The following RBMS3 variants were observed in gnomAD, a reference collection of about 807,000 sequenced individuals.
RBMS3 encodes RNA-binding motif, single-stranded-interacting protein 3.
In RBMS3, 27 loss-of-function variants were observed where a neutral mutation model predicts 66.8. The observed-to-expected ratio is 0.40, with a 90% CI of 0.30 to 0.56. The LOEUF (loss-of-function observed/expected upper bound fraction) is 0.56. Ranked by LOEUF, RBMS3 falls within the 20% of genes least tolerant of loss-of-function variation. The probability of loss-of-function intolerance (pLI) is 0.40; values close to 1 mark genes in which losing one functional copy is unlikely to be tolerated. For missense variants in RBMS3, 513 were observed against 549.5 expected (o/e 0.93, Z 0.66); for synonymous variants, 188 against 183.0 (o/e 1.03, Z -0.22).
intron 13 of RBMS3, among the ~76,000 whole-genome samples, chr3:29,989,848 A>C (rs545755684): frequency 6.6e-6 from 1 of 152,352 alleles, no homozygotes; most frequent in South Asian, 2.1e-4. Flanking sequence ...AAAATTAAAA[A>C]TCTGGACATT....
At chr3:29,697,186 T>A (rs2052318785) in intron 4 of RBMS3, 1 of 771,008 alleles carries the variant, frequency 1.3e-6, no homozygotes, top group Admixed American at 6.2e-5. Context: ...GGAATCTTCC[T>A]GAACATATAT....
chr3:29,877,480 G>T (rs1242050229), intron 7 of RBMS3, among the ~76,000 whole-genome samples: 1 of 152,190 alleles, frequency 6.6e-6, no homozygotes, highest in Non-Finnish European at 1.5e-5. Context: ...AAAGAGTATA[G>T]TGAGGACCAT....
At chr3:29,423,495 A>T (rs187575645) in intron 1 of RBMS3, among the ~76,000 whole-genome samples, 236 of 152,324 alleles carry the variant, frequency 1.5e-3, no homozygotes, top group Non-Finnish European at 2.4e-3. Context: ...GGTTTCTACT[A>T]AAAGGAGATT....
At chr3:29,992,294 C>CT (rs146944998) in intron 14 of RBMS3, among the ~76,000 whole-genome samples, 2,425 of 152,088 alleles carry the variant, frequency 0.016, 65 homozygotes, top group African/African-American at 0.056. Flanking sequence ...CATTAAAAAC[C>CT]ATAGGTATTA....
At chr3:29,891,118 T>C (rs965696756) in intron 8 of RBMS3, among the ~76,000 whole-genome samples, 2 of 151,590 alleles carry the variant, frequency 1.3e-5, no homozygotes, top group African/African-American at 4.8e-5. Context: ...TTGTAGCTAG[T>C]AGGTTAAATT....
chr3:29,307,669 T>C (rs1288181108), intron 1 of RBMS3, among the ~76,000 whole-genome samples: 1 of 151,840 alleles, frequency 6.6e-6, no homozygotes, highest in East Asian at 1.9e-4. Context: ...TGCCTTTGAT[T>C]GTAGGATTTC....
chr3:29,883,070 C>G (rs2059774548), intron 7 of RBMS3, among the ~76,000 whole-genome samples: 1 of 151,956 alleles, frequency 6.6e-6, no homozygotes, highest in Admixed American at 6.6e-5. Flanking sequence ...AAAAAAAAAT[C>G]TACCCTAAAG....
At chr3:29,723,575 CCTCCT>C (rs5847588) in intron 4 of RBMS3, among the ~76,000 whole-genome samples, 32,876 of 151,730 alleles carry the variant, frequency 0.22, 4,339 homozygotes, top group African/African-American at 0.37. Flanking sequence ...GTTGCATTTT[CCTCCT>C]CTCCTCTCTT....
intron 4 of RBMS3, among the ~76,000 whole-genome samples, chr3:29,632,863 C>T (rs892435056): frequency 1.3e-5 from 2 of 151,836 alleles, no homozygotes; most frequent in African/African-American, 4.8e-5. Context: ...GCTTATTTCC[C>T]CACACCTGAT....
chr3:29,932,334 A>G (rs2061150699), intron 10 of RBMS3, among the ~76,000 whole-genome samples: 1 of 152,250 alleles, frequency 6.6e-6, no homozygotes, highest in Non-Finnish European at 1.5e-5. Context: ...GAAACAGCGT[A>G]CATAAAATAA....
chr3:29,854,448 A>G (rs1030286085), intron 6 of RBMS3, among the ~76,000 whole-genome samples: 1 of 152,228 alleles, frequency 6.6e-6, no homozygotes, highest in Admixed American at 6.5e-5. Context: ...CATGTGAGGA[A>G]CCAGGTAATT....
intron 4 of RBMS3, among the ~76,000 whole-genome samples, chr3:29,632,237 A>G (rs1198690815): frequency 5.3e-5 from 8 of 151,848 alleles, no homozygotes; most frequent in African/African-American, 1.9e-4. Flanking sequence ...CTTTCTAAAA[A>G]CCATCAATCA....
At chr3:29,548,226 G>C (rs2046041693) in intron 3 of RBMS3, among the ~76,000 whole-genome samples, 1 of 152,032 alleles carries the variant, frequency 6.6e-6, no homozygotes. Context: ...AGGAGTTTGA[G>C]ACCAGCATGG....
intron 2 of RBMS3, among the ~76,000 whole-genome samples, chr3:29,473,852 G>C (rs540001040): frequency 6.6e-6 from 1 of 152,216 alleles, no homozygotes; most frequent in Non-Finnish European, 1.5e-5. Context: ...CGCAAGCGCC[G>C]CGCGCAGCCC....
chr3:29,768,713 G>C (rs755834764), intron 6 of RBMS3, among the ~76,000 whole-genome samples: 1 of 151,928 alleles, frequency 6.6e-6, no homozygotes, highest in East Asian at 1.9e-4. Context: ...GGGTATAGGA[G>C]CCAGAAGATA....
chr3:29,821,524 A>T (rs1020835577), intron 6 of RBMS3, among the ~76,000 whole-genome samples: 1 of 152,186 alleles, frequency 6.6e-6, no homozygotes, highest in Non-Finnish European at 1.5e-5. Flanking sequence ...TTATAAAGAA[A>T]CCATATAAAA....
At chr3:29,922,343 C>T (rs905114242) in intron 10 of RBMS3, among the ~76,000 whole-genome samples, 2 of 151,204 alleles carry the variant, frequency 1.3e-5, no homozygotes, top group East Asian at 1.9e-4. Context: ...AAAAATTAGC[C>T]GGGCGCGGTG....
intron 6 of RBMS3, among the ~76,000 whole-genome samples, chr3:29,832,307 T>C (rs1576940451): frequency 6.6e-6 from 1 of 152,206 alleles, no homozygotes; most frequent in East Asian, 1.9e-4. Flanking sequence ...GTCTAGGCAA[T>C]AAATCTATAA....
Position 29,715,762 on chromosome 3 carries a change from G to A in RBMS3, c.400-23958G>A, listed in dbSNP as rs192396683. 8.7e-4 allele frequency among the ~76,000 whole-genome samples: 132 copies of A among 152,196 alleles called. No homozygotes were observed. In the Middle Eastern group the frequency reaches 0.014, roughly 16 times the overall value. On this transcript the variant is annotated intron_variant, in intron 4 of 14. Coordinates refer to ENST00000383767, the MANE Select transcript of RBMS3 (RefSeq NM_001003793.3). ...AGAGCCTATTCTCTAGTGACAAATC[G>A]TTTTGTTCAGGGTATACTACCTGCT...
Sources: allele counts gnomAD v4.1 joint callset (sites outside exome capture counted in the v4.1 genomes callset), GRCh38; gene constraint gnomAD v4.1.1; transcripts MANE v1.5; gene names NCBI Gene and HGNC (gene_info 2026-07-23, HGNC 2026-07-21).